Variants in TSC22D2 observed in about 807,000 individuals in gnomAD.
TSC22D2 encodes the protein TSC22 domain family member 2.
Under a neutral mutation model 50.1 loss-of-function variants are expected in TSC22D2, and 5 were observed. The ratio of observed to expected loss-of-function variants is 0.10; its 90% CI spans 0.05 to 0.21. TSC22D2 has a LOEUF of 0.21. Among genes scored for constraint, TSC22D2 ranks in the 10% least tolerant of loss-of-function variants. The pLI is 1.00. For missense variants in TSC22D2, 1,003 were observed against 1,015.5 expected (o/e 0.99, Z 0.17); for synonymous variants, 501 against 450.1 (o/e 1.11, Z -1.43).
In TSC22D2 at chr3:150,460,721, G is replaced by GCTGTGCCCTTCCAGTGCTAA. The variant is rs1721370431; in HGVS notation, c.*2093_*2094insTTCCAGTGCTAACTGTGCCC. ...GACTGTTAACCGAAAAGGTTTGCTG[G>GCTGTGCCCTTCCAGTGCTAA]CTGTGCCCCTCCAGTGCTAACTGTG... On this transcript the variant is annotated 3_prime_UTR_variant, in exon 3 of 3. Transcript: ENST00000688009. The GCTGTGCCCTTCCAGTGCTAA allele has an allele frequency of 6.6e-6, 1 of 151,838 alleles. No individual in the cohort carries two copies. Among genetic ancestry groups the GCTGTGCCCTTCCAGTGCTAA allele is most frequent in the Non-Finnish European group, 1.5e-5 (1 of 67,930 alleles). The allele number at this position is 151,838 out of a possible 1,614,324, so 9.4% of individuals were successfully genotyped here. A position where few individuals can be genotyped will look rare whatever the true frequency, so the allele number is the denominator to read the frequency against.
rs952988130 is a variant in TSC22D2 at position 150,448,633 on chromosome 3, A to G, written c.1959-8443A>G. Reference sequence around the variant, plus strand: ...CTGTAATAGTGAAATTGCTGTGCAAATTTTACTTTTGTATCAGTCTTCAAT... The same window carrying G: ...CTGTAATAGTGAAATTGCTGTGCAAGTTTTACTTTTGTATCAGTCTTCAAT... On this transcript the variant is annotated intron_variant, in intron 1 of 2. Transcript: ENST00000688009. Among the ~76,000 whole-genome samples the G allele has an allele frequency of 4.6e-5, 7 of 152,086 alleles. 1 individual carries two copies. The South Asian group carries it at 1.4e-3, about 31-fold the overall frequency.
intron 1 of TSC22D2, among the ~76,000 whole-genome samples, chr3:150,439,945 G>C: frequency 6.6e-6 from 1 of 152,136 alleles, no homozygotes; most frequent in East Asian, 1.9e-4. Context: ...GTGCTCAAAG[G>C]TCAATTGGAT....
intron 1 of TSC22D2, among the ~76,000 whole-genome samples, chr3:150,415,647 T>C (rs1719769139): frequency 6.6e-6 from 1 of 152,144 alleles, no homozygotes; most frequent in African/African-American, 2.4e-5. Context: ...AGGCTTTGTC[T>C]CTACAAAACA....
intron 1 of TSC22D2, among the ~76,000 whole-genome samples, chr3:150,446,651 A>C (rs1720899725): frequency 6.6e-6 from 1 of 152,080 alleles, no homozygotes; most frequent in African/African-American, 2.4e-5. Flanking sequence ...TCATTTCATT[A>C]AGGAATGATG....
intron 1 of TSC22D2, among the ~76,000 whole-genome samples, chr3:150,417,016 A>G (rs1165159425): frequency 6.6e-6 from 1 of 152,136 alleles, no homozygotes; most frequent in African/African-American, 2.4e-5. Flanking sequence ...TGTTAGTGAA[A>G]GTTCTGCAGG....
At chr3:150,413,986 T>C (rs921957406) in intron 1 of TSC22D2, among the ~76,000 whole-genome samples, 1 of 152,192 alleles carries the variant, frequency 6.6e-6, no homozygotes, top group African/African-American at 2.4e-5. Context: ...GGTTGATACA[T>C]TGAAAACTCT....
At chr3:150,447,646 T>G (rs1474856576) in intron 1 of TSC22D2, among the ~76,000 whole-genome samples, 1 of 151,922 alleles carries the variant, frequency 6.6e-6, no homozygotes, top group Non-Finnish European at 1.5e-5. Context: ...ACCAGCCAAC[T>G]CCTAGTTGCT....
At position 150,410,598 on chromosome 3, in the gene TSC22D2, C is replaced by T. The variant is rs761952522; in HGVS notation, c.1248C>T (p.Gly416=). Residue 416 remains glycine (G), a synonymous_variant, in exon 1 of 3, where the codon GGC becomes GGT. Transcript: ENST00000688009. ...ATAATLPVGT[G]QNASSVGAQL... ...CGGCCACCCTTCCCGTGGGCACCGG[C>T]CAGAATGCTTCCTCGGTGGGCGCGC... The T allele has an allele frequency of 1.3e-6, 2 of 1,562,456 alleles. No individual in the cohort carries two copies. Among genetic ancestry groups the T allele is most frequent in the Admixed American group, 1.9e-5 (1 of 52,872 alleles).
At chr3:150,414,854 T>G (rs1217902880) in intron 1 of TSC22D2, among the ~76,000 whole-genome samples, 1 of 151,606 alleles carries the variant, frequency 6.6e-6, no homozygotes, top group Non-Finnish European at 1.5e-5. Flanking sequence ...GATGGAAATT[T>G]CTTACTTGAA....
intron 1 of TSC22D2, among the ~76,000 whole-genome samples, chr3:150,427,817 CCT>C (rs1720242172): frequency 6.6e-6 from 1 of 151,808 alleles, no homozygotes; most frequent in South Asian, 2.1e-4. Flanking sequence ...TTCTTCTCTT[CCT>C]CTCCTTCCTT....
At position 150,410,582 on chromosome 3, in the gene TSC22D2, T is replaced by G. The variant is rs1370102357; in HGVS notation, c.1232T>G (p.Leu411Arg). 1 of 1,555,616 alleles carries G rather than the reference T, an allele frequency of 6.4e-7. No individual in the cohort carries two copies. Among genetic ancestry groups the G allele is most frequent in the African/African-American group, 1.4e-5 (1 of 72,948 alleles). Reference protein sequence around the residue: ...AAASPATAATLPVGTGQNASS... With the variant: ...AAASPATAATRPVGTGQNASS... ...GCGAGCCCCGCCACGGCGGCCACCCTTCCCGTGGGCACCGGCCAGAATGCT... is the reference window on the plus strand; with the variant it reads ...GCGAGCCCCGCCACGGCGGCCACCCGTCCCGTGGGCACCGGCCAGAATGCT... The change falls in exon 1 of 3, where the codon CTT becomes CGT. Residue 411 changes from leucine (L) to arginine (R), a missense_variant. Transcript: ENST00000688009.
At chr3:150,424,163 T>G (rs1249628882) in intron 1 of TSC22D2, among the ~76,000 whole-genome samples, 1 of 152,196 alleles carries the variant, frequency 6.6e-6, no homozygotes, top group African/African-American at 2.4e-5. Flanking sequence ...ATAGTTACTT[T>G]TAGAACAGGA....
At position 150,459,002 on chromosome 3, in the gene TSC22D2, T is replaced by A. The variant is rs1246998371; in HGVS notation, c.*366T>A. The A allele has an allele frequency of 5.9e-6, 1 of 170,810 alleles. No homozygotes were observed. Among genetic ancestry groups the A allele is most frequent in the Non-Finnish European group, 1.2e-5 (1 of 80,606 alleles). The allele number at this position is 170,810 out of a possible 1,614,324, so 10.6% of individuals were successfully genotyped here. A position where few individuals can be genotyped will look rare whatever the true frequency, so the allele number is the denominator to read the frequency against. On this transcript the variant is annotated 3_prime_UTR_variant, in exon 3 of 3. Coordinates refer to ENST00000688009, the MANE Select transcript of TSC22D2 (RefSeq NM_001303264.2). ...TTCCTATCACATTATAAATAACAGT[T>A]CATCTAAAGAGCCACTTTTCTTTCT...
At chr3:150,426,314 T>G (rs1445072306) in intron 1 of TSC22D2, among the ~76,000 whole-genome samples, 1 of 152,210 alleles carries the variant, frequency 6.6e-6, no homozygotes, top group African/African-American at 2.4e-5. Context: ...ATAGTAACTT[T>G]AAAATTTGAC....
At chr3:150,444,818 C>A (rs942199638) in intron 1 of TSC22D2, among the ~76,000 whole-genome samples, 3 of 152,078 alleles carry the variant, frequency 2.0e-5, no homozygotes, top group African/African-American at 7.2e-5. Flanking sequence ...GTGAAAAAAA[C>A]CTAATGACCC....
intron 1 of TSC22D2, among the ~76,000 whole-genome samples, chr3:150,434,526 T>G (rs1449758697): frequency 1.3e-5 from 2 of 152,230 alleles, no homozygotes; most frequent in Non-Finnish European, 2.9e-5. Flanking sequence ...TTCCACTTCC[T>G]TTGATTTTCC....
At chr3:150,422,878 T>A (rs1720058817) in intron 1 of TSC22D2, among the ~76,000 whole-genome samples, 1 of 152,250 alleles carries the variant, frequency 6.6e-6, no homozygotes, top group Non-Finnish European at 1.5e-5. Context: ...TTGTCCAGTT[T>A]TTAATTTCTT....
In TSC22D2 at chr3:150,458,564, A is replaced by G. The variant is rs1014172076; in HGVS notation, c.2199A>G (p.Gln733=). The G allele has an allele frequency of 6.2e-7, 1 of 1,614,188 alleles. No homozygotes were observed. Among genetic ancestry groups the G allele is most frequent in the Non-Finnish European group, 8.5e-7 (1 of 1,180,026 alleles). The part of the protein sequence containing the change: ...TQQANPGSTS[Q]QQAVIAQPPQ... ...AGGCCAATCCTGGTAGCACTTCTCA[A>G]CAGCAAGCAGTGATAGCACAGCCTC... The change falls in exon 3 of 3, where the codon CAA becomes CAG. Residue 733 remains glutamine (Q), a synonymous_variant. Transcript: ENST00000688009.
At position 150,441,482 on chromosome 3, in the gene TSC22D2, G is replaced by A. The variant is rs114625782; in HGVS notation, c.1959-15594G>A. 8.3e-3 allele frequency among the ~76,000 whole-genome samples: 1,270 copies of A among 152,170 alleles called. 19 individuals carry two copies. The highest frequency in any genetic ancestry group is 0.029 in the African/African-American group (1,222 of 41,488). The stretch of plus-strand genomic sequence containing the variant: ...GCTCTTTTAAATATTATTGGAGGCC[G>A]GGCATGGTGGCTCATGTCTATAATC... On this transcript the variant is annotated intron_variant, in intron 1 of 2. Transcript: ENST00000688009.
Sources: gnomAD v4.1 joint callset for allele counts (sites outside exome capture counted in the v4.1 genomes callset) on GRCh38, gnomAD v4.1.1 for gene constraint, MANE v1.5 for transcripts, NCBI Gene and HGNC (gene_info 2026-07-23, HGNC 2026-07-21) for gene names.